The following EFL1 variants were observed in gnomAD, a reference collection of about 807,000 sequenced individuals.
EFL1 encodes the protein elongation factor-like GTPase 1.
A neutral mutation model predicts 126.7 loss-of-function variants in EFL1; 76 were observed. The observed-to-expected ratio is 0.60, with a 90% confidence interval of 0.50 to 0.73. The LOEUF (loss-of-function observed/expected upper bound fraction) is 0.73, where lower values mean the gene tolerates loss of function less well. Ranked by LOEUF, EFL1 falls within the 30% of genes least tolerant of loss-of-function variation. The probability of loss-of-function intolerance (pLI) is 0.00; values close to 1 mark genes in which losing one functional copy is unlikely to be tolerated. For missense variants in EFL1, 1,128 were observed against 1,343.2 expected, an observed-to-expected ratio of 0.84 and a Z score of 2.50; for synonymous variants, 410 against 448.4, an observed-to-expected ratio of 0.91 and a Z score of 1.08.
chr15:82,218,866 C>G (rs1595990102), intron 14 of EFL1, among the ~76,000 whole-genome samples: 1 of 152,272 alleles, frequency 6.6e-6, no homozygotes, highest in East Asian at 1.9e-4. Flanking sequence ...ACTTCAACTG[C>G]TACCTCCTTC....
At chr15:82,133,943 T>A (rs2073690893) in intron 19 of EFL1, among the ~76,000 whole-genome samples, 1 of 152,194 alleles carries the variant, frequency 6.6e-6, no homozygotes, top group Non-Finnish European at 1.5e-5. Flanking sequence ...GAGCAGGCAC[T>A]GAGGCCAGAG....
At chr15:82,170,142 T>G (rs2074119181) in intron 15 of EFL1, among the ~76,000 whole-genome samples, 1 of 118,290 alleles carries the variant, frequency 8.5e-6, no homozygotes, top group African/African-American at 3.4e-5. Flanking sequence ...TGAGACGGAG[T>G]CTCGCTCTGT....
intron 15 of EFL1, among the ~76,000 whole-genome samples, chr15:82,207,374 CAA>C (rs2074536740): frequency 6.7e-6 from 1 of 149,748 alleles, no homozygotes; most frequent in Admixed American, 6.6e-5. Flanking sequence ...ACAAATGAAA[CAA>C]AGATTCTTAT....
chr15:82,154,410 T>C (rs973802511), intron 17 of EFL1, among the ~76,000 whole-genome samples: 4 of 152,180 alleles, frequency 2.6e-5, no homozygotes, highest in Admixed American at 6.5e-5. Context: ...TGTGTAGAAG[T>C]TGAAAAAGAT....
In EFL1 at chr15:82,144,496, C is replaced by G. The variant is rs552458162; in HGVS notation, c.2990-5654G>C. Reference sequence around the variant, plus strand: ...CTAATCCCAATTTCTCATAAAGCTTCCCTAGAAAACCATGTTTGTGCACTA... The same window carrying G: ...CTAATCCCAATTTCTCATAAAGCTTGCCTAGAAAACCATGTTTGTGCACTA... On this transcript the variant is annotated intron_variant, in intron 18 of 19. Transcript: ENST00000268206. Among the ~76,000 whole-genome samples the G allele has an allele frequency of 1.7e-4, 26 of 152,234 alleles. No homozygotes were observed. The East Asian group carries it at 4.6e-3, about 27-fold the overall frequency.
intron 17 of EFL1, among the ~76,000 whole-genome samples, chr15:82,153,067 T>A (rs2073930723): frequency 6.6e-6 from 1 of 152,184 alleles, no homozygotes; most frequent in Non-Finnish European, 1.5e-5. Flanking sequence ...AATAGACACA[T>A]ATAGCTACTA....
At chr15:82,224,644 T>C (rs1567070097) in intron 12 of EFL1, among the ~76,000 whole-genome samples, 1 of 152,030 alleles carries the variant, frequency 6.6e-6, no homozygotes, top group Non-Finnish European at 1.5e-5. Context: ...GAATCTAAAC[T>C]AGTGGGGAAA....
intron 8 of EFL1, among the ~76,000 whole-genome samples, chr15:82,229,578 T>C (rs892153368): frequency 6.6e-6 from 1 of 152,162 alleles, no homozygotes. Context: ...AAAAAGTTAA[T>C]AGCAAGAGCA....
At chr15:82,259,005 G>A in intron 3 of EFL1, 83 bp downstream of exon 3, 1 of 1,257,258 alleles carries the variant, frequency 8.0e-7, no homozygotes, top group Non-Finnish European at 1.2e-6. Context: ...CTTTTGGATG[G>A]CTGAAGAACA....
At chr15:82,186,600 G>A (rs967763317) in intron 15 of EFL1, among the ~76,000 whole-genome samples, 1 of 152,010 alleles carries the variant, frequency 6.6e-6, no homozygotes, top group Non-Finnish European at 1.5e-5. Flanking sequence ...TAATTAACTC[G>A]ATTATAAATT....
intron 18 of EFL1, among the ~76,000 whole-genome samples, chr15:82,148,306 A>T (rs1229005929): frequency 1.4e-5 from 2 of 147,566 alleles, no homozygotes; most frequent in African/African-American, 5.1e-5. Flanking sequence ...TGAACCCAGG[A>T]GGTGGAGGTT....
In EFL1 at chr15:82,165,228, G is replaced by A. The variant is rs150763794; in HGVS notation, c.1751-1244C>T. 6.9e-3 allele frequency among the ~76,000 whole-genome samples: 1,052 copies of A among 152,140 alleles called. 13 individuals are homozygous for A. Among genetic ancestry groups the A allele is most frequent in the African/African-American group, 0.024 (1,004 of 41,478 alleles). ...AGACTGGGTGACAGACTGAGACCCCGTCAAAAAGGACAGGAAAGGATAGGA... is the reference window on the plus strand; with the variant it reads ...AGACTGGGTGACAGACTGAGACCCCATCAAAAAGGACAGGAAAGGATAGGA... On this transcript the variant is annotated intron_variant, in intron 15 of 19. Transcript: ENST00000268206.
At chr15:82,132,600 A>T (rs1241135245) in intron 19 of EFL1, among the ~76,000 whole-genome samples, 2 of 146,758 alleles carry the variant, frequency 1.4e-5, no homozygotes, top group Non-Finnish European at 3.0e-5. Flanking sequence ...GGGTGACAGC[A>T]AGTCTAAGGA....
chr15:82,258,371 G>T (rs2075084190), intron 3 of EFL1, among the ~76,000 whole-genome samples: 1 of 152,006 alleles, frequency 6.6e-6, no homozygotes, highest in Admixed American at 6.6e-5. Flanking sequence ...TCAGCCTAGG[G>T]AACATGGCAA....
intron 15 of EFL1, among the ~76,000 whole-genome samples, chr15:82,175,253 A>G (rs7173339): frequency 0.67 from 101,401 of 152,090 alleles, 35,591 homozygotes; most frequent in African/African-American, 0.89. Context: ...GGTACTGACT[A>G]TGACACTGAT....
chr15:82,251,055 T>C (rs1192140729), intron 4 of EFL1, among the ~76,000 whole-genome samples: 1 of 151,846 alleles, frequency 6.6e-6, no homozygotes, highest in East Asian at 1.9e-4. Context: ...CTACTAAAAA[T>C]ACAAAAATTA....
At chr15:82,178,516 C>T (rs73453644) in intron 15 of EFL1, among the ~76,000 whole-genome samples, 2,017 of 152,228 alleles carry the variant, frequency 0.013, 44 homozygotes, top group African/African-American at 0.046. Flanking sequence ...TTGTGGTGAC[C>T]CAATGTCTTA....
At chr15:82,256,308 C>T (rs1288499409) in intron 3 of EFL1, among the ~76,000 whole-genome samples, 3 of 152,282 alleles carry the variant, frequency 2.0e-5, no homozygotes, top group African/African-American at 4.8e-5. Flanking sequence ...AAATGGTTTA[C>T]GTTTTTAAAT....
intron 15 of EFL1, among the ~76,000 whole-genome samples, chr15:82,180,359 C>CAAAAA (rs71156028): frequency 4.1e-5 from 5 of 120,596 alleles, no homozygotes; most frequent in African/African-American, 1.4e-4. Flanking sequence ...ATTAAACTGG[C>CAAAAA]AAAAAAAAAA....
Sources: allele counts gnomAD v4.1 joint callset (sites outside exome capture counted in the v4.1 genomes callset), GRCh38; gene constraint gnomAD v4.1.1; transcripts MANE v1.5; gene names NCBI Gene and HGNC (gene_info 2026-07-23, HGNC 2026-07-21).